Variants in NR2F2 observed in about 807,000 individuals in gnomAD.
The protein encoded by NR2F2 is COUP transcription factor 2.
In NR2F2, 2 loss-of-function variants were observed where a neutral mutation model predicts 34.8. The ratio of observed to expected loss-of-function variants is 0.06; its 90% CI spans 0.02 to 0.18. NR2F2 has a LOEUF of 0.18. NR2F2 is among the 10% of genes least tolerant of loss of function. NR2F2 has a pLI of 1.00. For missense variants in NR2F2, 300 were observed against 580.1 expected (o/e 0.52, Z 4.96); for synonymous variants, 274 against 251.8 (o/e 1.09, Z -0.84).
chr15:96,329,002 T>C (rs1278815736), upstream of NR2F2, among the ~76,000 whole-genome samples: 1 of 152,220 alleles, frequency 6.6e-6, no homozygotes, highest in African/African-American at 2.4e-5. Flanking sequence ...GTCAATTATA[T>C]GTATGGTTTA....
rs75102826 is a variant in NR2F2, at chr15:96,331,574, T to TTCCTCC, written c.-510_-505dup. The TTCCTCC allele has an allele frequency of 9.0e-4, 1,067 of 1,190,952 alleles. No homozygotes were observed. The highest frequency in any genetic ancestry group is 2.9e-3 in the African/African-American group (180 of 62,370). 73.8% of individuals were successfully genotyped at this position (1,190,952 alleles called of 1,614,324 possible). ...CCTCCTCCTTCACCACCACCTCCTC[T>TTCCTCC]TCCTCCTCCTCCTCCTCCTCCTCCT... is the stretch of plus-strand genomic sequence containing the variant. On this transcript the variant is annotated 5_prime_UTR_variant, in exon 1 of 3. Coordinates refer to ENST00000394166, the MANE Select transcript of NR2F2 (RefSeq NM_021005.4).
Position 96,337,335 on chromosome 15 carries a change from A to T in NR2F2, c.971-13A>T, listed in dbSNP as rs1178931807. ...TCTTCTTCTTCTTCTTCTGTTTTTA[A>T]ACTTTCTTCCAGATGCCTGTGGTCT... On this transcript the variant is annotated splice_polypyrimidine_tract_variant and intron_variant, in intron 2 of 2. Coordinates refer to ENST00000394166, the MANE Select transcript of NR2F2 (RefSeq NM_021005.4). The T allele has an allele frequency of 1.1e-5, 17 of 1,596,620 alleles. No homozygotes were observed. The highest frequency in any genetic ancestry group is 1.7e-5 in the Admixed American group (1 of 57,642).
chr15:96,332,642 G>C (rs1567137703), intron 1 of NR2F2, 95 bp downstream of exon 1: 2 of 1,511,562 alleles, frequency 1.3e-6, no homozygotes, highest in Non-Finnish European at 1.8e-6. Context: ...GAAGCCCCAA[G>C]CTCTTCTCTT....
chr15:96,331,575 TC>T lies in NR2F2; in HGVS notation c.-529del, dbSNP rs1319061899. The T allele has an allele frequency of 3.0e-5, 30 of 1,002,016 alleles. No individual in the cohort carries two copies. The African/African-American group carries it at 8.7e-4, about 29-fold the overall frequency. The allele number at this position is 1,002,016 out of a possible 1,614,324, so 62.1% of individuals were successfully genotyped here. On this transcript the variant is annotated 5_prime_UTR_variant, in exon 1 of 3. It removes the in-frame stop codon of an upstream open reading frame in the 5' UTR. Coordinates refer to ENST00000394166, the MANE Select transcript of NR2F2 (RefSeq NM_021005.4). Reference sequence around the variant, plus strand: ...CTCCTCCTTCACCACCACCTCCTCTTCCTCCTCCTCCTCCTCCTCCTCCTCC... The same window carrying T: ...CTCCTCCTTCACCACCACCTCCTCTTCTCCTCCTCCTCCTCCTCCTCCTCC...
At chr15:96,326,284 GA>G (rs757668837), upstream of NR2F2, 13 of 1,606,250 alleles carry the variant, frequency 8.1e-6, no homozygotes, top group Admixed American at 1.7e-5. The surrounding 1 kb of genome is among the most constrained non-coding windows in gnomAD (Gnocchi z 5.5). Context: ...CAAACTAAAG[GA>G]GAGTTATTCC....
chr15:96,334,328 T>C lies in NR2F2; in HGVS notation c.695T>C (p.Phe232Ser). The change falls in exon 2 of 3, where the codon TTC becomes TCC. Residue 232 changes from phenylalanine to serine, a missense_variant. By Grantham distance (155) the Phe-to-Ser change is radical. Around this residue, in one of 6 missense-constraint regions of NR2F2, gnomAD observed 164 missense variants for 365.3 expected, o/e 0.45. Transcript: ENST00000394166. ...GTCGAGTGGGCCCGGAACATCCCCT[T>C]CTTCCCCGACCTGCAGATCACGGAC... ...SAVEWARNIP[F>S]FPDLQITDQV... 3 of 1,614,192 alleles carry C rather than the reference T, an allele frequency of 1.9e-6. No homozygotes were observed. The highest frequency in any genetic ancestry group is 2.5e-6 in the Non-Finnish European group (3 of 1,180,040).
rs1555447454 is a variant in NR2F2 at position 96,337,308 on chromosome 15, T to TTCTTC, written c.971-39_971-38insCTTCT. On this transcript the variant is annotated intron_variant, in intron 2 of 2. Transcript: ENST00000394166. Reference sequence around the variant, plus strand: ...TCTTCTTCTTCTTCTTCTTCTTCTTTTTCTTCTTCTTCTTCTTCTGTTTTT... The same window carrying TTCTTC: ...TCTTCTTCTTCTTCTTCTTCTTCTTTTCTTCTTCTTCTTCTTCTTCTTCTGTTTTT... The TTCTTC allele has an allele frequency of 8.2e-6, 12 of 1,469,060 alleles. No individual in the cohort carries two copies. In the African/African-American group the frequency reaches 1.6e-4, roughly 20 times the overall value. 91.0% of individuals were successfully genotyped at this position (1,469,060 alleles called of 1,614,324 possible). A position where few individuals can be genotyped will look rare whatever the true frequency, so the allele number is the denominator to read the frequency against.
chr15:96,331,848 CG>C lies in NR2F2; in HGVS notation c.-257del. On this transcript the variant is annotated 5_prime_UTR_variant, in exon 1 of 3. Transcript: ENST00000394166. Reference sequence around the variant, plus strand: ...CCCCCCGAAACCAACAAAGCTGAGCCGAGAGAAACAAACAAAACAAACACAC... The same window carrying C: ...CCCCCCGAAACCAACAAAGCTGAGCCAGAGAAACAAACAAAACAAACACAC... 1.7e-6 allele frequency: 2 copies of C among 1,203,210 alleles called. No individual in the cohort carries two copies. Among genetic ancestry groups the C allele is most frequent in the Non-Finnish European group, 2.1e-6 (2 of 970,036 alleles). 74.5% of individuals were successfully genotyped at this position (1,203,210 alleles called of 1,614,324 possible).
upstream of NR2F2, among the ~76,000 whole-genome samples, chr15:96,330,300 C>G (rs939680985): frequency 1.3e-5 from 2 of 152,080 alleles, no homozygotes; most frequent in Non-Finnish European, 2.9e-5. Context: ...GTTGTGTGTG[C>G]GCGCTGCGCT....
chr15:96,331,276 G>T lies in NR2F2; in HGVS notation c.-830G>T. On this transcript the variant is annotated 5_prime_UTR_variant, in exon 1 of 3. Transcript: ENST00000394166. ...AGAGCGAGGCGCGCGCCGGACGCCC[G>T]GGGCAGGCGGCGGCGGCGGCGGCCC... 9.8e-7 allele frequency: 1 copy of T among 1,017,788 alleles called. No homozygotes were observed. Among genetic ancestry groups the T allele is most frequent in the Non-Finnish European group, 1.2e-6 (1 of 853,072 alleles). 63.0% of individuals were successfully genotyped at this position (1,017,788 alleles called of 1,614,324 possible). A position where few individuals can be genotyped will look rare whatever the true frequency, so the allele number is the denominator to read the frequency against.
upstream of NR2F2, among the ~76,000 whole-genome samples, chr15:96,328,077 C>CTG (rs1347966723): frequency 2.0e-5 from 3 of 152,144 alleles, no homozygotes; most frequent in Non-Finnish European, 4.4e-5. Context: ...TCTTCTCAGT[C>CTG]TGTAGTCTTG....
intron 1 of NR2F2, chr15:96,333,677 C>CAG: frequency 8.1e-6 from 9 of 1,108,052 alleles, no homozygotes; most frequent in Non-Finnish European, 7.7e-6. Flanking sequence ...AGCGCCTCAC[C>CAG]CTCCCCCCAG....
At chr15:96,333,093 T>A (rs1300156034) in intron 1 of NR2F2, 3 of 161,370 alleles carry the variant, frequency 1.9e-5, no homozygotes, top group Middle Eastern at 5.3e-4. Context: ...AAAAAAAAAA[T>A]ACCTCTGCTT....
Position 96,334,696 on chromosome 15 carries a change from G to C in NR2F2, c.970+93G>C. ...GGAGTCCCCAGGGCAAACCCAGTCT[G>C]CTCCTTGAAAGGCCAAACTGTTGAG... On this transcript the variant is annotated intron_variant, in intron 2 of 2. Coordinates refer to ENST00000394166, the MANE Select transcript of NR2F2 (RefSeq NM_021005.4). The C allele has an allele frequency of 2.8e-6, 4 of 1,419,586 alleles. No individual in the cohort carries two copies. In the South Asian group the frequency reaches 5.7e-5, roughly 20 times the overall value. 87.9% of individuals were successfully genotyped at this position (1,419,586 alleles called of 1,614,324 possible). A position where few individuals can be genotyped will look rare whatever the true frequency, so the allele number is the denominator to read the frequency against.
At chr15:96,326,327 C>T, upstream of NR2F2, 7 of 1,613,664 alleles carry the variant, frequency 4.3e-6, no homozygotes, top group Non-Finnish European at 5.9e-6. This position sits in a 1 kb window ranked among gnomAD's most constrained non-coding sequence, Gnocchi z 5.5. Flanking sequence ...CGGTTTGGGA[C>T]CTTGAACAAG....
At position 96,330,937 on chromosome 15, in the gene NR2F2, C is replaced by A. The variant is rs1899118109; in HGVS notation, c.-1169C>A. 4 of 1,139,486 alleles carry A rather than the reference C, an allele frequency of 3.5e-6. No homozygotes were observed. The highest frequency in any genetic ancestry group is 8.5e-5 in the South Asian group (2 of 23,414). The allele number at this position is 1,139,486 out of a possible 1,614,324, so 70.6% of individuals were successfully genotyped here. On this transcript the variant is annotated 5_prime_UTR_variant, in exon 1 of 3. Coordinates refer to ENST00000394166, the MANE Select transcript of NR2F2 (RefSeq NM_021005.4). ...CTTTCTCTCCGTCTTTTTCTCCCCC[C>A]TCTGCGCACGAAGGATGTGCTTCTA...
Position 96,337,740 on chromosome 15 carries a change from G to A in NR2F2, c.*118G>A, listed in dbSNP as rs1899376415. 21 of 628,612 alleles carry A rather than the reference G, an allele frequency of 3.3e-5. No homozygotes were observed. The highest frequency in any genetic ancestry group is 1.4e-4 in the Admixed American group (3 of 22,040). The allele number at this position is 628,612 out of a possible 1,614,324, so 38.9% of individuals were successfully genotyped here. ...AAAGGATGTTACAAGTTTGCTAAAAGAAGAGAGGGGAAGAATTTAATGGAC... is the reference window on the plus strand; with the variant it reads ...AAAGGATGTTACAAGTTTGCTAAAAAAAGAGAGGGGAAGAATTTAATGGAC... On this transcript the variant is annotated 3_prime_UTR_variant, in exon 3 of 3. Transcript: ENST00000394166.
Position 96,331,381 on chromosome 15 carries a change from C to T in NR2F2, c.-725C>T. The T allele has an allele frequency of 4.9e-6, 6 of 1,224,824 alleles. No individual in the cohort carries two copies. The South Asian group carries it at 1.2e-4, about 25-fold the overall frequency. 75.9% of individuals were successfully genotyped at this position (1,224,824 alleles called of 1,614,324 possible). On this transcript the variant is annotated 5_prime_UTR_variant, in exon 1 of 3. Coordinates refer to ENST00000394166, the MANE Select transcript of NR2F2 (RefSeq NM_021005.4). ...CCCCGGACCCGGGCAGCGCTCCGGC[C>T]ACTCCGCGGGCCGCCGGCCTCCGCC...
chr15:96,330,085 T>C (rs1477036168), upstream of NR2F2, among the ~76,000 whole-genome samples: 1 of 152,178 alleles, frequency 6.6e-6, no homozygotes, highest in Admixed American at 6.5e-5. Context: ...GGAAAATGCC[T>C]ACAAGCTCAG....
Sources: allele counts gnomAD v4.1 joint callset (sites outside exome capture counted in the v4.1 genomes callset), GRCh38; gene constraint gnomAD v4.1.1; regional missense constraint gnomAD v4.1.1; non-coding constraint Gnocchi (gnomAD v3.1); transcripts MANE v1.5; gene names NCBI Gene and HGNC (gene_info 2026-07-23, HGNC 2026-07-21).